The following APP variants were observed in gnomAD, a reference collection of about 807,000 sequenced individuals.
APP encodes amyloid-beta precursor protein.
APP carries 31 observed loss-of-function variants against 101.4 expected under a neutral mutation model. That is an observed-to-expected ratio of 0.31 (90% CI 0.23 to 0.41). The LOEUF (loss-of-function observed/expected upper bound fraction) is 0.41. Among genes scored for constraint, APP ranks in the 10% least tolerant of loss-of-function variants. APP has a pLI of 1.00. For synonymous variants in APP, 366 were observed against 364.4 expected (o/e 1.00, Z -0.05); for missense variants, 839 against 1,003.7 (o/e 0.84, Z 2.22).
At chr21:26,024,209 G>C (rs889817731) in intron 5 of APP, among the ~76,000 whole-genome samples, 3 of 152,146 alleles carry the variant, frequency 2.0e-5, no homozygotes, top group African/African-American at 7.2e-5. Context: ...AGATGTGGCA[G>C]GGGGTTTCAA....
At chr21:26,131,751 T>C (rs759354157) in intron 1 of APP, among the ~76,000 whole-genome samples, 32 of 152,188 alleles carry the variant, frequency 2.1e-4, no homozygotes, top group Non-Finnish European at 4.0e-4. Flanking sequence ...TGAGAAACAT[T>C]ATATGTTATC....
chr21:25,880,848 ATCATGTCATAAGCAATGAT>A lies in APP; in HGVS notation c.*803_*821del, dbSNP rs1351383004. The A allele has an allele frequency of 6.6e-6, 1 of 152,618 alleles. No homozygotes were observed. Among genetic ancestry groups the A allele is most frequent in the Admixed American group, 6.5e-5 (1 of 15,278 alleles). 9.5% of individuals were successfully genotyped at this position (152,618 alleles called of 1,614,324 possible). On this transcript the variant is annotated 3_prime_UTR_variant, in exon 18 of 18. Transcript: ENST00000346798. ...TTTATGTAATACAGTGTAGAAAGCGATCATGTCATAAGCAATGATTCTGTACAATCATCCTGCAGAAAAT... is the reference window on the plus strand; with the variant it reads ...TTTATGTAATACAGTGTAGAAAGCGATCTGTACAATCATCCTGCAGAAAAT...
intron 14 of APP, among the ~76,000 whole-genome samples, chr21:25,905,538 G>A (rs568270537): frequency 1.3e-5 from 2 of 152,296 alleles, no homozygotes; most frequent in African/African-American, 4.8e-5. Flanking sequence ...CAGGGGAAGT[G>A]CAAATATGAA....
intron 9 of APP, 68 bp from the exon 10 acceptor site, chr21:25,976,096 T>C (rs1365175369): frequency 6.3e-6 from 8 of 1,276,770 alleles, no homozygotes; most frequent in South Asian, 3.6e-5. Flanking sequence ...CTTAATAGGA[T>C]GGATGATTAT....
intron 3 of APP, among the ~76,000 whole-genome samples, chr21:26,088,848 C>T (rs1459485667): frequency 6.6e-6 from 1 of 152,186 alleles, no homozygotes; most frequent in African/African-American, 2.4e-5. Context: ...ACACTCTCTT[C>T]ATCAATTACA....
chr21:26,060,277 C>A (rs768319775), intron 3 of APP, among the ~76,000 whole-genome samples: 9 of 152,188 alleles, frequency 5.9e-5, no homozygotes, highest in Non-Finnish European at 1.3e-4. Context: ...CATGTGAGTA[C>A]TGCTTATGAT....
At chr21:26,160,013 G>A (rs2063457908) in intron 1 of APP, among the ~76,000 whole-genome samples, 1 of 152,142 alleles carries the variant, frequency 6.6e-6, no homozygotes, top group African/African-American at 2.4e-5. Flanking sequence ...CATTATGTTT[G>A]TCCTGGACAG....
intron 6 of APP, among the ~76,000 whole-genome samples, chr21:26,021,476 T>C (rs993191259): frequency 3.2e-4 from 49 of 152,146 alleles, no homozygotes; most frequent in African/African-American, 1.0e-3. Context: ...GCTCATCGTC[T>C]AGGTGGTAAC....
chr21:26,099,490 C>G (rs552278841), intron 2 of APP, among the ~76,000 whole-genome samples: 1 of 152,256 alleles, frequency 6.6e-6, no homozygotes, highest in African/African-American at 2.4e-5. Context: ...CAACTAAAAT[C>G]GATGCCATTT....
At chr21:26,097,801 C>A (rs1372304922) in intron 2 of APP, among the ~76,000 whole-genome samples, 2 of 152,088 alleles carry the variant, frequency 1.3e-5, no homozygotes, top group Non-Finnish European at 2.9e-5. Flanking sequence ...AGTGCATAGG[C>A]CGGGCGCGGT....
intron 7 of APP, among the ~76,000 whole-genome samples, chr21:25,997,689 G>C (rs2043111024): frequency 6.6e-6 from 1 of 152,090 alleles, no homozygotes; most frequent in Non-Finnish European, 1.5e-5. Flanking sequence ...CTCCTTTTGT[G>C]CCAAATATCC....
chr21:25,972,904 CAGAG>C (rs149414272), intron 11 of APP, among the ~76,000 whole-genome samples: 1 of 150,444 alleles, frequency 6.6e-6, no homozygotes, highest in African/African-American at 2.4e-5. Flanking sequence ...CAACCGCTTA[CAGAG>C]AGAGAGAGAG....
chr21:26,014,307 A>C (rs1406656497), intron 6 of APP, among the ~76,000 whole-genome samples: 3 of 152,196 alleles, frequency 2.0e-5, no homozygotes, highest in African/African-American at 7.2e-5. Flanking sequence ...GATACCTTGT[A>C]AGTGTCATGT....
intron 5 of APP, among the ~76,000 whole-genome samples, chr21:26,047,631 A>G (rs1336246960): frequency 3.3e-5 from 5 of 152,274 alleles, no homozygotes; most frequent in Non-Finnish European, 7.3e-5. Flanking sequence ...TTTTAAAAAC[A>G]AGAATAGTTA....
At chr21:26,028,499 A>C (rs971477041) in intron 5 of APP, among the ~76,000 whole-genome samples, 1 of 152,214 alleles carries the variant, frequency 6.6e-6, no homozygotes, top group Non-Finnish European at 1.5e-5. Flanking sequence ...AATAAAATAT[A>C]ATGAAATTTT....
intron 1 of APP, among the ~76,000 whole-genome samples, chr21:26,141,116 C>T (rs1279297771): frequency 6.6e-6 from 1 of 152,142 alleles, no homozygotes; most frequent in Non-Finnish European, 1.5e-5. Context: ...ACGCCTGGCA[C>T]CTAGTCAACA....
In APP at chr21:26,021,858, C is replaced by G. The variant is rs772069024; in HGVS notation, c.847G>C (p.Val283Leu). 2 of 1,613,838 alleles carry G rather than the reference C, an allele frequency of 1.2e-6. No homozygotes were observed. Among genetic ancestry groups the G allele is most frequent in the South Asian group, 1.1e-5 (1 of 91,066 alleles). ...GGATTACCTCGAACCACCTCTTCCA[C>G]AGACTCTGTGGTGGTGGTGGTGGTG... ...ATTTTTTTES[V>L]EEVVREVCSE... is the part of the protein sequence containing the mutation. The change falls in exon 6 of 18, where the codon GTG becomes CTG. Residue 283 changes from valine (V) to leucine (L), a missense_variant. Val to Leu is a conservative substitution (Grantham distance 32). Transcript: ENST00000346798.
intron 1 of APP, among the ~76,000 whole-genome samples, chr21:26,151,500 A>C (rs2063269377): frequency 6.6e-6 from 1 of 152,046 alleles, no homozygotes; most frequent in African/African-American, 2.4e-5. Flanking sequence ...TTTTATGTTA[A>C]AGACCACCAT....
At chr21:26,071,100 T>C (rs558954547) in intron 3 of APP, among the ~76,000 whole-genome samples, 3 of 152,280 alleles carry the variant, frequency 2.0e-5, no homozygotes, top group African/African-American at 7.2e-5. Flanking sequence ...TATGTGTCAT[T>C]ATAGGCTGCA....
Sources: gnomAD v4.1 joint callset for allele counts (sites outside exome capture counted in the v4.1 genomes callset) on GRCh38, gnomAD v4.1.1 for gene constraint, MANE v1.5 for transcripts, NCBI Gene and HGNC (gene_info 2026-07-23, HGNC 2026-07-21) for gene names.